BDKRB2: variants seen among roughly 807,000 people sequenced by gnomAD.
BDKRB2 encodes the protein bradykinin receptor B2.
BDKRB2 carries 6 observed loss-of-function variants against 4.0 expected under a neutral mutation model. The ratio of observed to expected loss-of-function variants is 1.49; its 90% CI spans 0.81 to 2.93. The LOEUF (loss-of-function observed/expected upper bound fraction) is 2.93. Ranked by LOEUF, BDKRB2 falls within the 30% of genes most tolerant of loss-of-function variation. BDKRB2 has a pLI of 0.00. For synonymous variants in BDKRB2, 225 were observed against 215.3 expected, an observed-to-expected ratio of 1.05 and a Z score of -0.40; for missense variants, 478 against 520.1, an observed-to-expected ratio of 0.92 and a Z score of 0.79.
intron 2 of BDKRB2, chr14:96,239,615 C>G (rs934770278): frequency 6.1e-6 from 6 of 980,380 alleles, no homozygotes; most frequent in Non-Finnish European, 7.3e-6. Flanking sequence ...GAGCCTAGTG[C>G]AGTGCTTGGG....
At chr14:96,213,346 C>T (rs949164403) in intron 1 of BDKRB2, among the ~76,000 whole-genome samples, 27 of 152,174 alleles carry the variant, frequency 1.8e-4, no homozygotes, top group Non-Finnish European at 3.7e-4. Context: ...GGTTCTAACA[C>T]AGCTCTCTGA....
intron 1 of BDKRB2, chr14:96,222,998 C>A: frequency 1.5e-6 from 1 of 649,298 alleles, no homozygotes. Flanking sequence ...GTAGAACAAA[C>A]AACTGGAAGT....
chr14:96,238,279 C>T, intron 2 of BDKRB2: 1 of 430,594 alleles, frequency 2.3e-6, no homozygotes, highest in Non-Finnish European at 3.1e-6. Context: ...CGGCTCACAT[C>T]CTTCCAAGTA....
intron 1 of BDKRB2, among the ~76,000 whole-genome samples, chr14:96,225,031 T>G (rs1890662128): frequency 6.6e-6 from 1 of 152,128 alleles, no homozygotes. Context: ...AAGGGGAACT[T>G]GCTAAGACAG....
chr14:96,240,214 A>T (rs1595265734), intron 2 of BDKRB2, 189 bp from the exon 3 acceptor site: 1 of 1,301,336 alleles, frequency 7.7e-7, no homozygotes, highest in Non-Finnish European at 9.8e-7. Context: ...TCCAAGGATC[A>T]GAGGGGGCTC....
At chr14:96,235,896 A>G (rs1890923822) in intron 1 of BDKRB2, among the ~76,000 whole-genome samples, 1 of 152,168 alleles carries the variant, frequency 6.6e-6, no homozygotes, top group South Asian at 2.1e-4. Flanking sequence ...GACAGGGGTC[A>G]CTTGGTGTCC....
chr14:96,241,666 T>C lies in BDKRB2; in HGVS notation c.*162T>C. ...AGACTAATTCCTGCCCTGCCCAATT[T>C]TGCAGGGAGCATGGCTGTGAGGATG... is the stretch of plus-strand genomic sequence containing the variant. On this transcript the variant is annotated 3_prime_UTR_variant, in exon 3 of 3. Coordinates refer to ENST00000554311, the MANE Select transcript of BDKRB2 (RefSeq NM_001379692.1). 8.0e-7 allele frequency: 1 copy of C among 1,251,534 alleles called. No individual in the cohort carries two copies. Among genetic ancestry groups the C allele is most frequent in the South Asian group, 1.9e-5 (1 of 51,852 alleles). 77.5% of individuals were successfully genotyped at this position (1,251,534 alleles called of 1,614,324 possible). A position where few individuals can be genotyped will look rare whatever the true frequency, so the allele number is the denominator to read the frequency against.
At chr14:96,235,498 A>T (rs75327312) in intron 1 of BDKRB2, among the ~76,000 whole-genome samples, 5,874 of 152,196 alleles carry the variant, frequency 0.039, 191 homozygotes, top group East Asian at 0.13. Flanking sequence ...GCCTTGAAGG[A>T]TCAGAAGGAC....
chr14:96,231,499 C>T (rs758903823), intron 1 of BDKRB2, among the ~76,000 whole-genome samples: 2 of 152,142 alleles, frequency 1.3e-5, no homozygotes, highest in Non-Finnish European at 2.9e-5. Flanking sequence ...CACCCCCTTC[C>T]GCCACCCCCT....
At chr14:96,227,618 A>C (rs775389259) in intron 1 of BDKRB2, among the ~76,000 whole-genome samples, 13 of 151,542 alleles carry the variant, frequency 8.6e-5, no homozygotes, top group African/African-American at 1.5e-4. Context: ...TGCACACACA[A>C]ACACACACAC....
At chr14:96,215,952 CTG>C (rs1890407720) in intron 1 of BDKRB2, among the ~76,000 whole-genome samples, 1 of 152,222 alleles carries the variant, frequency 6.6e-6, no homozygotes, top group African/African-American at 2.4e-5. Flanking sequence ...CCCGTTCTCC[CTG>C]TGTCAGCCCC....
At chr14:96,206,193 G>C (rs1890175701) in intron 1 of BDKRB2, among the ~76,000 whole-genome samples, 1 of 152,206 alleles carries the variant, frequency 6.6e-6, no homozygotes, top group Non-Finnish European at 1.5e-5. Context: ...CTTGGAGGAA[G>C]CATTTGCTGT....
intron 1 of BDKRB2, among the ~76,000 whole-genome samples, chr14:96,215,948 C>A (rs1421413456): frequency 1.3e-5 from 2 of 152,226 alleles, no homozygotes. Context: ...GACTCCCGTT[C>A]TCCCTGTGTC....
At chr14:96,232,057 CAGG>C (rs1167676466) in intron 1 of BDKRB2, among the ~76,000 whole-genome samples, 1 of 152,212 alleles carries the variant, frequency 6.6e-6, no homozygotes. Context: ...GGCCTGTGAG[CAGG>C]AGATCTGGCC....
Position 96,240,836 on chromosome 14 carries a change from G to T in BDKRB2, c.508G>T (p.Gly170Cys), listed in dbSNP as rs202134620. Residue 170 changes from glycine to cysteine, a missense_variant, in exon 3 of 3, where the codon GGC (glycine) becomes TGC (cysteine). Coordinates refer to ENST00000554311, the MANE Select transcript of BDKRB2 (RefSeq NM_001379692.1). ...AACCATGTCCATGGGCCGGATGCGC[G>T]GCGTGCGCTGGGCCAAGCTCTACAG... ...VKTMSMGRMRGVRWAKLYSLV... is the reference protein window; with the variant it reads ...VKTMSMGRMRCVRWAKLYSLV... The T allele has an allele frequency of 1.3e-6, 2 of 1,560,826 alleles. No individual in the cohort carries two copies. Among genetic ancestry groups the T allele is most frequent in the South Asian group, 2.5e-5 (2 of 80,190 alleles).
chr14:96,242,134 A>G lies in BDKRB2; in HGVS notation c.*630A>G, dbSNP rs1595267101. ...ACTTGCTGTATATGCAGTATTGAGC[A>G]CTGTAGGCAAGAGGGAAGAAAGAGA... On this transcript the variant is annotated 3_prime_UTR_variant, in exon 3 of 3. Transcript: ENST00000554311. The G allele has an allele frequency of 6.6e-6, 1 of 152,364 alleles. No individual in the cohort carries two copies. Among genetic ancestry groups the G allele is most frequent in the South Asian group, 2.1e-4 (1 of 4,832 alleles). The allele number at this position is 152,364 out of a possible 1,614,324, so 9.4% of individuals were successfully genotyped here.
At chr14:96,236,959 C>T (rs919659627) in intron 1 of BDKRB2, 110 bp from the exon 2 acceptor site, 1 of 704,996 alleles carries the variant, frequency 1.4e-6, no homozygotes, top group East Asian at 2.5e-5. Context: ...CACAAACGTC[C>T]ATTGAGTCAG....
chr14:96,213,268 C>T lies in BDKRB2; in HGVS notation c.-40+8309C>T, dbSNP rs551341448. On this transcript the variant is annotated intron_variant, in intron 1 of 2. Transcript: ENST00000554311. ...TACTGAGAGACTGCTCAGGGCTCCC[C>T]TCAGCTCAGAGATCTTTCCCCACAA... is the stretch of plus-strand genomic sequence containing the variant. 2.6e-5 allele frequency among the ~76,000 whole-genome samples: 4 copies of T among 152,262 alleles called. No individual in the cohort carries two copies. In the East Asian group the frequency reaches 7.7e-4, roughly 29 times the overall value.
chr14:96,205,168 C>T (rs1890145570), intron 1 of BDKRB2, among the ~76,000 whole-genome samples: 1 of 152,126 alleles, frequency 6.6e-6, no homozygotes, highest in Non-Finnish European at 1.5e-5. Context: ...CCCTGTTTGT[C>T]TGTTGTAGGT....
Sources: gnomAD v4.1 joint callset for allele counts (sites outside exome capture counted in the v4.1 genomes callset) on GRCh38, gnomAD v4.1.1 for gene constraint, MANE v1.5 for transcripts, NCBI Gene and HGNC (gene_info 2026-07-23, HGNC 2026-07-21) for gene names.